Variants in NCOR2 observed in about 807,000 individuals in gnomAD.
NCOR2 encodes the protein CTG repeat protein 26.
In NCOR2, 81 loss-of-function variants were observed where a neutral mutation model predicts 262.9. The ratio of observed to expected loss-of-function variants is 0.31; its 90% confidence interval spans 0.26 to 0.37. The LOEUF (loss-of-function observed/expected upper bound fraction) is 0.37. Among genes scored for constraint, NCOR2 ranks in the 10% least tolerant of loss-of-function variants. The pLI, the probability that NCOR2 is intolerant of heterozygous loss-of-function variation, is 1.00. For synonymous variants in NCOR2, 1,659 were observed against 1,559.3 expected (o/e 1.06, Z -1.51); for missense variants, 3,385 against 3,621.4 (o/e 0.93, Z 1.68).
intron 30 of NCOR2, chr12:124,347,568 A>C: frequency 4.2e-6 from 2 of 476,164 alleles, no homozygotes; most frequent in Non-Finnish European, 7.6e-6. Flanking sequence ...GTTAGTGCCA[A>C]GCACAGGACA....
At chr12:124,525,478 A>T (rs563719342) in intron 1 of NCOR2, among the ~76,000 whole-genome samples, 1 of 152,340 alleles carries the variant, frequency 6.6e-6, no homozygotes, top group African/African-American at 2.4e-5. Context: ...TCCATAAGGC[A>T]AAGCGCCGCA....
chr12:124,355,321 A>G (rs870050), intron 24 of NCOR2, 111 bp downstream of exon 26: 923,280 of 1,352,098 alleles, frequency 0.68, 319,735 homozygotes, highest in Middle Eastern at 0.75. Context: ...CTGAGTGGAG[A>G]TGACCCAGGC....
chr12:124,396,839 C>T (rs144001122), intron 16 of NCOR2, among the ~76,000 whole-genome samples: 51 of 152,292 alleles, frequency 3.3e-4, no homozygotes, highest in African/African-American at 1.1e-3. Context: ...GTGATCCAGG[C>T]TGTTCTCAGA....
At chr12:124,350,811 C>T (rs1050176486) in intron 27 of NCOR2, 74 bp from the exon 30 acceptor site, 87 of 1,509,740 alleles carry the variant, frequency 5.8e-5, no homozygotes, top group Middle Eastern at 3.8e-4. Context: ...CAGGCAAAGA[C>T]GTGCTTAAAA....
At position 124,479,412 on chromosome 12, in the gene NCOR2, C is replaced by T. The variant is rs189872010; in HGVS notation, c.411+4184G>A. On this transcript the variant is annotated intron_variant, in intron 3 of 46. Coordinates refer to ENST00000405201, the Ensembl canonical transcript of NCOR2. ...ACGCATGGACACACGCACGCACACA[C>T]AGGTACATGCACGCACACAGGCACA... is the stretch of plus-strand genomic sequence containing the variant. Among the ~76,000 whole-genome samples, 11 of 152,030 alleles carry T rather than the reference C, an allele frequency of 7.2e-5. No homozygotes were observed. In the East Asian group the frequency reaches 2.1e-3, roughly 30 times the overall value.
chr12:124,479,406 CACACACAGGT>C (rs1267776850), intron 3 of NCOR2, among the ~76,000 whole-genome samples: 3 of 152,138 alleles, frequency 2.0e-5, no homozygotes, highest in African/African-American at 7.2e-5. Flanking sequence ...CACACGCACG[CACACACAGGT>C]ACATGCACGC....
At chr12:124,350,927 C>A (rs1264260296) in intron 27 of NCOR2, among the ~76,000 whole-genome samples, 190 bp from the exon 30 acceptor site, 2 of 152,244 alleles carry the variant, frequency 1.3e-5, no homozygotes, top group African/African-American at 2.4e-5. Flanking sequence ...GAATGAAGAT[C>A]CCTTGTCAAG....
At chr12:124,338,505 C>CAAAAAA (rs575208388) in intron 37 of NCOR2, among the ~76,000 whole-genome samples, 2 of 87,750 alleles carry the variant, frequency 2.3e-5, no homozygotes, top group African/African-American at 8.9e-5. Context: ...ACAACTCCAT[C>CAAAAAA]AAAAAAAAAA....
At chr12:124,441,912 G>A (rs1257761638) in intron 7 of NCOR2, among the ~76,000 whole-genome samples, 3 of 152,216 alleles carry the variant, frequency 2.0e-5, no homozygotes, top group South Asian at 4.1e-4. Context: ...AGAAAGCCAT[G>A]ACCAGTGATC....
chr12:124,325,349 T>A, exon 47 of NCOR2: 1 of 1,139,044 alleles, frequency 8.8e-7, no homozygotes, highest in Non-Finnish European at 1.1e-6. Flanking sequence ...TGCAGGGCCG[T>A]TCCTGTGGCT....
intron 5 of NCOR2, among the ~76,000 whole-genome samples, chr12:124,458,632 A>G (rs2046006529): frequency 6.6e-6 from 1 of 152,232 alleles, no homozygotes; most frequent in Admixed American, 6.5e-5. Flanking sequence ...AATTGCGCAT[A>G]AGCGCCATGG....
At chr12:124,556,682 A>AGG (rs1184112652) in intron 1 of NCOR2, among the ~76,000 whole-genome samples, 1 of 152,172 alleles carries the variant, frequency 6.6e-6, no homozygotes, top group Non-Finnish European at 1.5e-5. Context: ...CAACATGGCA[A>AGG]AACCCCATCT....
intron 13 of NCOR2, among the ~76,000 whole-genome samples, chr12:124,408,948 G>T (rs2042421435): frequency 6.6e-6 from 1 of 152,162 alleles, no homozygotes; most frequent in South Asian, 2.1e-4. Context: ...TTCCAAGTCA[G>T]CGGCAGCACG....
chr12:124,513,802 A>G (rs1593916437), intron 1 of NCOR2: 1 of 152,130 alleles, frequency 6.6e-6, no homozygotes, highest in South Asian at 2.1e-4. Flanking sequence ...GTTCCTTCTC[A>G]TGACTGTATC....
At chr12:124,428,931 C>T (rs1156474158) in intron 10 of NCOR2, among the ~76,000 whole-genome samples, 2 of 152,112 alleles carry the variant, frequency 1.3e-5, no homozygotes, top group Admixed American at 1.3e-4. Context: ...CCCACAGGAC[C>T]CGGGAGGGAA....
In NCOR2 at chr12:124,346,859, C is replaced by A; in HGVS notation, c.4073-9G>T. ...GTAGGACCGAGGGATCCCTGCCGGG[C>A]CGACAGCACTGACCCTCACGCCCCG... On this transcript the variant is annotated splice_polypyrimidine_tract_variant and intron_variant, in intron 30 of 46. Coordinates refer to ENST00000405201, the Ensembl canonical transcript of NCOR2. 1 of 1,557,012 alleles carries A rather than the reference C, an allele frequency of 6.4e-7. No homozygotes were observed. Among genetic ancestry groups the A allele is most frequent in the African/African-American group, 1.4e-5 (1 of 73,600 alleles).
intron 1 of NCOR2, among the ~76,000 whole-genome samples, chr12:124,532,335 G>A (rs951771695): frequency 9.9e-5 from 15 of 151,438 alleles, no homozygotes; most frequent in African/African-American, 3.7e-4. Context: ...GGTGTGGTGG[G>A]GCAGGGCATC....
intron 13 of NCOR2, among the ~76,000 whole-genome samples, chr12:124,405,176 G>A (rs959269577): frequency 6.6e-5 from 10 of 152,148 alleles, no homozygotes; most frequent in East Asian, 1.9e-4. Flanking sequence ...CTCCTGGAAC[G>A]TCACCCCCTA....
chr12:124,340,589 G>A lies in NCOR2; in HGVS notation c.5338+13C>T. ...TGCCGGGGTCCCCACCCCAGACTGG[G>A]CAGTGGCGCTACCTGGGGAGAGTGG... On this transcript the variant is annotated intron_variant, in intron 35 of 46. Coordinates refer to ENST00000405201, the Ensembl canonical transcript of NCOR2. The A allele has an allele frequency of 6.6e-7, 1 of 1,505,642 alleles. No individual in the cohort carries two copies. 93.3% of individuals were successfully genotyped at this position (1,505,642 alleles called of 1,614,324 possible).
Sources: gnomAD v4.1 joint callset for allele counts (sites outside exome capture counted in the v4.1 genomes callset) on GRCh38, gnomAD v4.1.1 for gene constraint, MANE v1.5 for transcripts, NCBI Gene and HGNC (gene_info 2026-07-23, HGNC 2026-07-21) for gene names.